TRAF3: variants seen among roughly 807,000 people sequenced by gnomAD.
The protein encoded by TRAF3 is TNF receptor associated factor 3.
Under a neutral mutation model 62.3 loss-of-function variants are expected in TRAF3, and 13 were observed. The ratio of observed to expected loss-of-function variants is 0.21; its 90% CI spans 0.14 to 0.33. The LOEUF is 0.33. TRAF3 is among the 10% of genes least tolerant of loss of function. The pLI, the probability that TRAF3 is intolerant of heterozygous loss-of-function variation, is 1.00. For missense variants in TRAF3, 440 were observed against 741.8 expected (o/e 0.59, Z 4.73); for synonymous variants, 269 against 283.4 (o/e 0.95, Z 0.51).
chr14:102,897,225 C>T, intron 9 of TRAF3, 36 bp from the exon 10 acceptor site: 3 of 1,587,070 alleles, frequency 1.9e-6, no homozygotes, highest in Non-Finnish European at 2.6e-6. Context: ...ATGAAAACCA[C>T]TTTTGGTTAC....
intron 1 of TRAF3, among the ~76,000 whole-genome samples, chr14:102,816,866 C>G (rs908563264): frequency 1.3e-5 from 2 of 152,216 alleles, no homozygotes; most frequent in African/African-American, 4.8e-5. Flanking sequence ...ATTTGCTGCA[C>G]TTCTGAATCT....
intron 1 of TRAF3, among the ~76,000 whole-genome samples, chr14:102,807,162 C>T (rs187505316): frequency 7.2e-5 from 11 of 152,278 alleles, no homozygotes; most frequent in Admixed American, 7.2e-4. Context: ...CATAGGTGGC[C>T]TCCTGCCCTT....
chr14:102,796,787 C>T lies in TRAF3; in HGVS notation c.-157+19112C>T, dbSNP rs144746808. Among the ~76,000 whole-genome samples, 306 of 152,246 alleles carry T rather than the reference C, an allele frequency of 2.0e-3. 2 individuals carry two copies. The highest frequency in any genetic ancestry group is 7.0e-3 in the African/African-American group (292 of 41,542). ...GGTCTGCATGGTCTGAAGTCTCTTA[C>T]GAAGGTAAAATGTTATGTATATATT... On this transcript the variant is annotated intron_variant, in intron 1 of 11. Transcript: ENST00000392745.
chr14:102,817,242 A>G (rs1266278762), intron 1 of TRAF3, among the ~76,000 whole-genome samples: 1 of 152,200 alleles, frequency 6.6e-6, no homozygotes, highest in African/African-American at 2.4e-5. Context: ...AGCATCAAGC[A>G]GGATGGGTGA....
At chr14:102,887,752 G>A (rs770315990) in intron 7 of TRAF3, among the ~76,000 whole-genome samples, 36 of 151,986 alleles carry the variant, frequency 2.4e-4, no homozygotes, top group African/African-American at 8.4e-4. Flanking sequence ...CTGCCACCAC[G>A]CCCGGCTAAT....
At chr14:102,788,085 G>A (rs1047361193) in intron 1 of TRAF3, among the ~76,000 whole-genome samples, 5 of 151,618 alleles carry the variant, frequency 3.3e-5, no homozygotes, top group Admixed American at 1.3e-4. Flanking sequence ...GAACTCCTGT[G>A]CTCAAGGGAT....
intron 2 of TRAF3, among the ~76,000 whole-genome samples, chr14:102,834,879 A>G (rs1255967354): frequency 6.6e-6 from 1 of 150,842 alleles, no homozygotes; most frequent in East Asian, 1.9e-4. Flanking sequence ...CAATTGCAAC[A>G]AAAGCAAAAA....
At chr14:102,853,450 T>A (rs1887168124) in intron 2 of TRAF3, among the ~76,000 whole-genome samples, 1 of 152,158 alleles carries the variant, frequency 6.6e-6, no homozygotes, top group African/African-American at 2.4e-5. Flanking sequence ...CGAAAAAAAT[T>A]GTAAACACTT....
chr14:102,837,313 A>AT (rs1197991626), intron 2 of TRAF3, among the ~76,000 whole-genome samples: 1 of 151,810 alleles, frequency 6.6e-6, no homozygotes, highest in African/African-American at 2.4e-5. Flanking sequence ...TAATGTTCAC[A>AT]TTTTTTATAG....
At chr14:102,800,210 G>T (rs756038328) in intron 1 of TRAF3, among the ~76,000 whole-genome samples, 1 of 152,200 alleles carries the variant, frequency 6.6e-6, no homozygotes, top group African/African-American at 2.4e-5. Flanking sequence ...GAGTGCTGAT[G>T]CCCTGCTGGA....
intron 3 of TRAF3, 95 bp downstream of exon 3, chr14:102,870,541 G>A (rs1268976394): frequency 6.6e-7 from 1 of 1,518,592 alleles, no homozygotes; most frequent in Non-Finnish European, 8.9e-7. Context: ...ACCTCTAGAG[G>A]TTTAAAGCCC....
At chr14:102,889,711 A>G (rs1201698549) in intron 8 of TRAF3, 77 bp downstream of exon 8, 7 of 1,530,846 alleles carry the variant, frequency 4.6e-6, no homozygotes, top group South Asian at 2.2e-5. Flanking sequence ...ACATTTTAAC[A>G]TGCAAGCTCT....
intron 2 of TRAF3, among the ~76,000 whole-genome samples, chr14:102,849,004 G>A (rs1886880875): frequency 6.6e-6 from 1 of 152,128 alleles, no homozygotes; most frequent in South Asian, 2.1e-4. Flanking sequence ...GTCTTGCTAT[G>A]TTGCCCAGGC....
At chr14:102,860,124 G>C (rs1486700001) in intron 2 of TRAF3, among the ~76,000 whole-genome samples, 1 of 152,138 alleles carries the variant, frequency 6.6e-6, no homozygotes, top group Non-Finnish European at 1.5e-5. Context: ...ATACCTTCCA[G>C]GTGGCCAAGA....
intron 10 of TRAF3, among the ~76,000 whole-genome samples, chr14:102,900,652 C>T (rs570418453): frequency 3.3e-5 from 5 of 152,360 alleles, no homozygotes; most frequent in Admixed American, 2.6e-4. Flanking sequence ...TCCATCCACG[C>T]GGCCTTCACT....
chr14:102,826,993 C>T lies in TRAF3; in HGVS notation c.-156-3341C>T, dbSNP rs968987126. ...GTGGTGGCGGTGGCTGTACCTGCTCCGGGCTGCTGTGAGGGAGGGACGGGC... is the reference window on the plus strand; with the variant it reads ...GTGGTGGCGGTGGCTGTACCTGCTCTGGGCTGCTGTGAGGGAGGGACGGGC... On this transcript the variant is annotated intron_variant, in intron 1 of 11. Transcript: ENST00000392745. This position sits in a 1 kb window ranked among gnomAD's most constrained non-coding sequence, Gnocchi z 4.6. 3.9e-5 allele frequency among the ~76,000 whole-genome samples: 6 copies of T among 152,162 alleles called. No individual in the cohort carries two copies. Among genetic ancestry groups the T allele is most frequent in the African/African-American group, 9.7e-5 (4 of 41,428 alleles).
intron 2 of TRAF3, among the ~76,000 whole-genome samples, chr14:102,858,154 C>CTT (rs59845933): frequency 1.4e-5 from 2 of 145,606 alleles, no homozygotes; most frequent in South Asian, 2.2e-4. Context: ...CTCTGTTCTT[C>CTT]TTTTTTTTTT....
intron 1 of TRAF3, among the ~76,000 whole-genome samples, chr14:102,778,032 C>T (rs1289996950): frequency 1.3e-5 from 2 of 150,254 alleles, no homozygotes; most frequent in African/African-American, 4.9e-5. Flanking sequence ...ACCCGGCACC[C>T]CGCGGGGCCG....
At chr14:102,830,971 A>G (rs563488682) in intron 2 of TRAF3, among the ~76,000 whole-genome samples, 5 of 152,246 alleles carry the variant, frequency 3.3e-5, no homozygotes, top group African/African-American at 1.2e-4. Context: ...TTTGAAATAC[A>G]AATTGATTTT....
Sources: gnomAD v4.1 joint callset for allele counts (sites outside exome capture counted in the v4.1 genomes callset) on GRCh38, gnomAD v4.1.1 for gene constraint, Gnocchi (gnomAD v3.1) non-coding constraint, MANE v1.5 for transcripts, NCBI Gene and HGNC (gene_info 2026-07-23, HGNC 2026-07-21) for gene names.